Variants in SF3A1 observed in about 807,000 individuals in gnomAD.
The protein encoded by SF3A1 is splicing factor 3a subunit 1, also known as SAP 114.
Under a neutral mutation model 89.9 loss-of-function variants are expected in SF3A1, and 13 were observed. That is an observed-to-expected ratio of 0.14 (90% CI 0.09 to 0.23). SF3A1 has a LOEUF of 0.23. Among genes scored for constraint, SF3A1 ranks in the 10% least tolerant of loss-of-function variants. The pLI, the probability that SF3A1 is intolerant of heterozygous loss-of-function variation, is 1.00. For missense variants in SF3A1, 604 were observed against 1,022.1 expected, an observed-to-expected ratio of 0.59 and a Z score of 5.58; for synonymous variants, 405 against 374.4, an observed-to-expected ratio of 1.08 and a Z score of -0.94.
At chr22:30,339,968 G>A (rs1399556936) in intron 9 of SF3A1, among the ~76,000 whole-genome samples, 1 of 152,204 alleles carries the variant, frequency 6.6e-6, no homozygotes, top group African/African-American at 2.4e-5. Context: ...TAAAGCCAGA[G>A]CTTGCTCTGG....
Position 30,337,190 on chromosome 22 carries a change from C to T in SF3A1, c.1952-10G>A, listed in dbSNP as rs2145802399. The T allele has an allele frequency of 6.2e-7, 1 of 1,600,710 alleles. No homozygotes were observed. Among genetic ancestry groups the T allele is most frequent in the African/African-American group, 1.3e-5 (1 of 74,636 alleles). ...GGAGCAGGCACAAAGGCTGCAAAGA[C>T]AAGAATAAGCAGCCCCATGAGAGGG... On this transcript the variant is annotated splice_polypyrimidine_tract_variant and intron_variant, in intron 12 of 15. Coordinates refer to ENST00000215793, the MANE Select transcript of SF3A1 (RefSeq NM_005877.6).
intron 1 of SF3A1, among the ~76,000 whole-genome samples, chr22:30,353,416 G>A (rs1169930581): frequency 6.6e-6 from 1 of 152,164 alleles, no homozygotes; most frequent in Non-Finnish European, 1.5e-5. Flanking sequence ...TTATAAGACA[G>A]GAGAAAAGGG....
intron 4 of SF3A1, among the ~76,000 whole-genome samples, chr22:30,344,555 T>C (rs968486959): frequency 5.9e-5 from 9 of 152,214 alleles, no homozygotes; most frequent in African/African-American, 2.2e-4. Flanking sequence ...TCATGGCTTC[T>C]TGTGAGGACT....
chr22:30,344,204 C>T (rs1370728403), intron 4 of SF3A1, among the ~76,000 whole-genome samples: 1 of 152,138 alleles, frequency 6.6e-6, no homozygotes, highest in Non-Finnish European at 1.5e-5. Flanking sequence ...GCTATGTGAC[C>T]CTGGCCATGC....
intron 2 of SF3A1, among the ~76,000 whole-genome samples, chr22:30,349,666 CTTT>C (rs58624811): frequency 3.6e-4 from 50 of 138,868 alleles, no homozygotes; most frequent in Non-Finnish European, 4.5e-4. Context: ...TTTTTTCTTT[CTTT>C]TTTTTTTTTT....
chr22:30,341,219 G>A (rs1311187991), intron 7 of SF3A1, among the ~76,000 whole-genome samples: 1 of 152,236 alleles, frequency 6.6e-6, no homozygotes, highest in Admixed American at 6.5e-5. Context: ...TTTCTTCTCA[G>A]GCTGTGCACA....
chr22:30,356,759 G>A lies in SF3A1; in HGVS notation c.34C>T (p.Pro12Ser). The change falls in exon 1 of 16, where the codon CCG becomes TCG. Residue 12 changes from proline (P) to serine (S), a missense_variant. Physicochemically the swap from Pro to Ser is moderately conservative, Grantham distance 74. This residue lies in a region of SF3A1 where 55 missense variants were observed against 43.8 expected (regional missense o/e 1.25). Transcript: ENST00000215793. ...PAGPVQAVPP[P>S]PPVPTEPKQP... ...TTGGGCTCCGTGGGCACGGGCGGCGGCGGGGGCACCGCCTGCACGGGTCCG... is the reference window on the plus strand; with the variant it reads ...TTGGGCTCCGTGGGCACGGGCGGCGACGGGGGCACCGCCTGCACGGGTCCG... 6.7e-7 allele frequency: 1 copy of A among 1,484,948 alleles called. No homozygotes were observed. The highest frequency in any genetic ancestry group is 9.0e-7 in the Non-Finnish European group (1 of 1,113,482). 92.0% of individuals were successfully genotyped at this position (1,484,948 alleles called of 1,614,324 possible).
intron 11 of SF3A1, 73 bp downstream of exon 11, chr22:30,338,716 T>C (rs556105697): frequency 7.1e-5 from 114 of 1,599,140 alleles, no homozygotes; most frequent in Non-Finnish European, 9.3e-5. Context: ...GCAGCTGCAC[T>C]TCTCAGCCAA....
At chr22:30,345,935 G>C (rs5753082) in intron 3 of SF3A1, among the ~76,000 whole-genome samples, 29,822 of 152,040 alleles carry the variant, frequency 0.2, 3,207 homozygotes, top group Middle Eastern at 0.35. Context: ...GAGCCCACAG[G>C]CCACACTGCA....
Position 30,334,502 on chromosome 22 carries a change from G to C in SF3A1, c.*92C>G. On this transcript the variant is annotated 3_prime_UTR_variant, in exon 16 of 16. Transcript: ENST00000215793. ...AAGAGCGAAACAAATATGCAGGCAA[G>C]GCAAAGCCTCAGGGGGGCTCCTGGG... 1.3e-6 allele frequency: 1 copy of C among 747,036 alleles called. No individual in the cohort carries two copies. Among genetic ancestry groups the C allele is most frequent in the Non-Finnish European group, 2.2e-6 (1 of 456,834 alleles). 46.3% of individuals were successfully genotyped at this position (747,036 alleles called of 1,614,324 possible).
intron 2 of SF3A1, among the ~76,000 whole-genome samples, chr22:30,348,217 C>A (rs1159881659): frequency 6.6e-6 from 1 of 152,210 alleles, no homozygotes; most frequent in Non-Finnish European, 1.5e-5. Context: ...GTCTGTGGGG[C>A]CTTCCATTGC....
At position 30,342,888 on chromosome 22, in the gene SF3A1, C is replaced by A; in HGVS notation, c.652-9G>T. 1 of 1,598,072 alleles carries A rather than the reference C, an allele frequency of 6.3e-7. No homozygotes were observed. The highest frequency in any genetic ancestry group is 8.6e-7 in the Non-Finnish European group (1 of 1,166,506). ...TTGGGTGGAATCAAGATCTGAAATA[C>A]AGAAGAGTTAAAGCAACTGTCAGTG... is the stretch of plus-strand genomic sequence containing the variant. On this transcript the variant is annotated splice_polypyrimidine_tract_variant and intron_variant, in intron 4 of 15. Transcript: ENST00000215793.
At chr22:30,349,250 T>C (rs973521555) in intron 2 of SF3A1, among the ~76,000 whole-genome samples, 1 of 152,226 alleles carries the variant, frequency 6.6e-6, no homozygotes, top group African/African-American at 2.4e-5. Flanking sequence ...GGTCTCTTTG[T>C]TGCAATGTAA....
chr22:30,348,528 G>A (rs1931488496), intron 2 of SF3A1, among the ~76,000 whole-genome samples: 1 of 152,100 alleles, frequency 6.6e-6, no homozygotes, highest in African/African-American at 2.4e-5. Flanking sequence ...CAGGAGACAG[G>A]GTACAGGCAG....
At chr22:30,350,326 A>T (rs1872685181) in intron 2 of SF3A1, among the ~76,000 whole-genome samples, 1 of 151,072 alleles carries the variant, frequency 6.6e-6, no homozygotes, top group South Asian at 2.1e-4. Context: ...AAAAAATAAA[A>T]AAAAAATTAG....
At chr22:30,341,604 G>C (rs997713328) in intron 7 of SF3A1, 88 bp downstream of exon 7, 1 of 746,104 alleles carries the variant, frequency 1.3e-6, no homozygotes, top group Non-Finnish European at 2.0e-6. Flanking sequence ...AGGCTCACAG[G>C]GGAGCTGGAT....
At position 30,340,711 on chromosome 22, in the gene SF3A1, C is replaced by T. The variant is rs1476971229; in HGVS notation, c.1173G>A (p.Lys391=). The T allele has an allele frequency of 1.9e-6, 3 of 1,606,366 alleles. No homozygotes were observed. The highest frequency in any genetic ancestry group is 1.7e-5 in the Admixed American group (1 of 59,598). ...PPTPDQVIVR[K]DYDPKASKPL... ...CCTCCCTACCTTTGGGATCATAATC[C>T]TTGCGGACAATGACTTGGTCTGGAG... Residue 391 remains lysine, a synonymous_variant, in exon 8 of 16, where the codon AAG becomes AAA. Coordinates refer to ENST00000215793, the MANE Select transcript of SF3A1 (RefSeq NM_005877.6).
At chr22:30,346,596 C>A (rs545412660) in intron 2 of SF3A1, 77 bp from the exon 3 acceptor site, 2 of 1,531,032 alleles carry the variant, frequency 1.3e-6, no homozygotes, top group Non-Finnish European at 1.8e-6. Flanking sequence ...CCCATTGGAA[C>A]GTCCTTCTTG....
intron 1 of SF3A1, among the ~76,000 whole-genome samples, chr22:30,356,174 CAT>C (rs1399394635): frequency 2.0e-5 from 3 of 152,190 alleles, no homozygotes; most frequent in Admixed American, 6.5e-5. Flanking sequence ...TGAGCATTCT[CAT>C]ATGTCTGTCT....
Sources: gnomAD v4.1 joint callset for allele counts (sites outside exome capture counted in the v4.1 genomes callset) on GRCh38, gnomAD v4.1.1 for gene constraint, gnomAD v4.1.1 regional missense constraint, MANE v1.5 for transcripts, NCBI Gene and HGNC (gene_info 2026-07-23, HGNC 2026-07-21) for gene names.